The following COL24A1 variants were observed in gnomAD, a reference collection of about 807,000 sequenced individuals.
COL24A1 encodes the protein collagen alpha-1(XXIV) chain.
Under a neutral mutation model 253.9 loss-of-function variants are expected in COL24A1, and 224 were observed. The observed-to-expected ratio is 0.88, with a 90% CI of 0.79 to 0.99. COL24A1 has a LOEUF of 0.99. COL24A1 is among the 50% of genes least tolerant of loss of function. The pLI, the probability that COL24A1 is intolerant of heterozygous loss-of-function variation, is 0.00. For missense variants in COL24A1, 2,131 were observed against 2,068.5 expected, an observed-to-expected ratio of 1.03 and a Z score of -0.59; for synonymous variants, 685 against 673.7, an observed-to-expected ratio of 1.02 and a Z score of -0.26.
intron 47 of COL24A1, among the ~76,000 whole-genome samples, chr1:85,806,521 T>C (rs978792318): frequency 6.6e-6 from 1 of 152,264 alleles, no homozygotes; most frequent in Non-Finnish European, 1.5e-5. Flanking sequence ...AATAAATTAC[T>C]GTGGCTGTGT....
In COL24A1 at chr1:85,919,898, A is replaced by T. The variant is rs118139332; in HGVS notation, c.2563-8465T>A. On this transcript the variant is annotated intron_variant, in intron 24 of 59. Transcript: ENST00000370571. The stretch of plus-strand genomic sequence containing the variant: ...ACAGTGAATTTACGTATTAACATAA[A>T]ATTGAAAAACTGTGAAATCTAACTC... 1.1e-4 allele frequency among the ~76,000 whole-genome samples: 17 copies of T among 152,350 alleles called. No individual in the cohort carries two copies. The East Asian group carries it at 3.3e-3, about 29-fold the overall frequency.
rs573548989 is a variant in COL24A1, at chr1:85,830,794, G to T, written c.3682-7056C>A. Among the ~76,000 whole-genome samples the T allele has an allele frequency of 1.2e-4, 19 of 152,182 alleles. No homozygotes were observed. In the East Asian group the frequency reaches 2.3e-3, roughly 19 times the overall value. On this transcript the variant is annotated intron_variant, in intron 43 of 59. Transcript: ENST00000370571. ...CCCTGCTTCGGCTCGCGCACAGTGC[G>T]TGCACCCACTGACCTGCGCCCACTG...
chr1:86,098,488 G>C (rs930559146), intron 5 of COL24A1, among the ~76,000 whole-genome samples: 2 of 152,124 alleles, frequency 1.3e-5, no homozygotes, highest in Admixed American at 1.3e-4. Flanking sequence ...CAGGTGGAAG[G>C]CTGAAAGAAT....
At chr1:86,121,972 G>A (rs996700583) in intron 3 of COL24A1, among the ~76,000 whole-genome samples, 3 of 152,026 alleles carry the variant, frequency 2.0e-5, no homozygotes, top group Non-Finnish European at 4.4e-5. Flanking sequence ...CTTAAAAGTA[G>A]GAAAAACCAG....
intron 24 of COL24A1, 59 bp downstream of exon 24, chr1:85,961,190 A>G: frequency 1.6e-6 from 2 of 1,232,996 alleles, no homozygotes; most frequent in South Asian, 2.5e-5. Context: ...ATCATGGCTA[A>G]TATGATTCCT....
chr1:86,128,597 C>T (rs1648683817), intron 2 of COL24A1, among the ~76,000 whole-genome samples: 8 of 151,948 alleles, frequency 5.3e-5, no homozygotes, highest in Admixed American at 3.9e-4. Flanking sequence ...GAATTTCTGA[C>T]CCTATTATAC....
At chr1:85,763,219 C>T (rs924548411) in intron 53 of COL24A1, among the ~76,000 whole-genome samples, 2 of 151,878 alleles carry the variant, frequency 1.3e-5, no homozygotes, top group South Asian at 4.2e-4. Flanking sequence ...GAGTTTGAGA[C>T]CAGCCTGGGC....
At chr1:85,799,557 A>G (rs1192721526) in intron 47 of COL24A1, among the ~76,000 whole-genome samples, 1 of 152,152 alleles carries the variant, frequency 6.6e-6, no homozygotes, top group East Asian at 1.9e-4. Context: ...CCTAATGCCC[A>G]GTTAGCCATT....
At chr1:86,138,928 G>T (rs1650668395) in intron 2 of COL24A1, among the ~76,000 whole-genome samples, 1 of 151,508 alleles carries the variant, frequency 6.6e-6, no homozygotes, top group Non-Finnish European at 1.5e-5. Context: ...GCAAGGCTCA[G>T]TTCAAGTGGT....
chr1:85,828,360 G>T (rs1674684456), intron 43 of COL24A1, among the ~76,000 whole-genome samples: 1 of 151,366 alleles, frequency 6.6e-6, no homozygotes, highest in South Asian at 2.1e-4. Context: ...GTCAATTTTG[G>T]AATAGGTGTG....
chr1:85,937,733 A>G lies in COL24A1; in HGVS notation c.2562+23516T>C, dbSNP rs578104587. Among the ~76,000 whole-genome samples the G allele has an allele frequency of 2.2e-4, 33 of 147,738 alleles. 7 individuals carry two copies. In the South Asian group the frequency reaches 8.0e-3, roughly 36 times the overall value. On this transcript the variant is annotated intron_variant, in intron 24 of 59. Transcript: ENST00000370571. ...CTGCCAACAACAGAGAACCATATTA[A>G]GCCCACAACATGGTACCATTCTTTG... is the stretch of plus-strand genomic sequence containing the variant.
At chr1:86,086,243 A>G (rs1703055189) in intron 7 of COL24A1, among the ~76,000 whole-genome samples, 1 of 152,178 alleles carries the variant, frequency 6.6e-6, no homozygotes, top group Non-Finnish European at 1.5e-5. Context: ...AGAGGTACAC[A>G]GATATACTTA....
chr1:85,831,404 A>G (rs903241184), intron 43 of COL24A1, among the ~76,000 whole-genome samples: 1 of 152,100 alleles, frequency 6.6e-6, no homozygotes, highest in African/African-American at 2.4e-5. Flanking sequence ...TTTCAGAGTG[A>G]TCATAGAATA....
chr1:85,812,934 C>T (rs1672690515), intron 47 of COL24A1, among the ~76,000 whole-genome samples: 1 of 152,080 alleles, frequency 6.6e-6, no homozygotes, highest in Non-Finnish European at 1.5e-5. Context: ...GGCAATGCTC[C>T]CTGGGAGATA....
At chr1:85,745,301 T>C (rs1292156922) in intron 56 of COL24A1, 140 bp downstream of exon 56, 12 of 501,572 alleles carry the variant, frequency 2.4e-5, no homozygotes, top group Non-Finnish European at 3.8e-5. Context: ...CTTACTTTGT[T>C]CTTGAGAATG....
At chr1:86,014,731 T>C (rs1299926364) in intron 19 of COL24A1, among the ~76,000 whole-genome samples, 4 of 152,174 alleles carry the variant, frequency 2.6e-5, no homozygotes, top group Non-Finnish European at 5.9e-5. Context: ...AACTGTTTTA[T>C]GTATTGTGAA....
chr1:86,152,855 TG>T (rs1652960789), intron 1 of COL24A1, among the ~76,000 whole-genome samples: 1 of 152,302 alleles, frequency 6.6e-6, no homozygotes, highest in African/African-American at 2.4e-5. Context: ...AAGTATCAGG[TG>T]GTCTTGAGTT....
At chr1:85,824,518 C>T (rs1046507234) in intron 43 of COL24A1, among the ~76,000 whole-genome samples, 2 of 152,152 alleles carry the variant, frequency 1.3e-5, no homozygotes, top group African/African-American at 4.8e-5. Flanking sequence ...AAACTAACTT[C>T]ACAACTATTT....
At chr1:85,819,682 T>C (rs1673404910) in intron 45 of COL24A1, among the ~76,000 whole-genome samples, 1 of 151,858 alleles carries the variant, frequency 6.6e-6, no homozygotes, top group Non-Finnish European at 1.5e-5. Context: ...TTTAAAATAA[T>C]AATAATAATG....
Sources: gnomAD v4.1 joint callset for allele counts (sites outside exome capture counted in the v4.1 genomes callset) on GRCh38, gnomAD v4.1.1 for gene constraint, MANE v1.5 for transcripts, NCBI Gene and HGNC (gene_info 2026-07-23, HGNC 2026-07-21) for gene names.